Variants in FBXO32 observed in about 807,000 individuals in gnomAD.
FBXO32 encodes the protein F-box only protein 32.
Under a neutral mutation model 48.3 loss-of-function variants are expected in FBXO32, and 15 were observed. The observed-to-expected ratio is 0.31, with a 90% CI of 0.21 to 0.48. The LOEUF is 0.48. FBXO32 is among the 20% of genes least tolerant of loss of function. The pLI is 0.99. For missense variants in FBXO32, 309 were observed against 432.7 expected (o/e 0.71, Z 2.54); for synonymous variants, 154 against 165.9 (o/e 0.93, Z 0.55).
chr8:123,507,535 C>A (rs1446103190), intron 6 of FBXO32, among the ~76,000 whole-genome samples: 1 of 150,296 alleles, frequency 6.7e-6, no homozygotes, highest in Non-Finnish European at 1.5e-5. Context: ...CTCCACCATC[C>A]CTTGAGACTT....
chr8:123,510,339 C>T (rs143684290), intron 6 of FBXO32, among the ~76,000 whole-genome samples: 6 of 152,298 alleles, frequency 3.9e-5, no homozygotes, highest in African/African-American at 9.6e-5. Flanking sequence ...GGGCCGGGCG[C>T]GGTGGCTCAT....
At chr8:123,516,426 C>G (rs1816840817) in intron 4 of FBXO32, among the ~76,000 whole-genome samples, 1 of 152,146 alleles carries the variant, frequency 6.6e-6, no homozygotes. Context: ...CCTGGCCAGG[C>G]CTCAGCCCAG....
chr8:123,523,535 A>G (rs868821341), intron 4 of FBXO32, among the ~76,000 whole-genome samples: 56 of 152,140 alleles, frequency 3.7e-4, no homozygotes, highest in South Asian at 6.2e-4. Flanking sequence ...GGTTGCAGTG[A>G]GCCAAGATCG....
intron 6 of FBXO32, among the ~76,000 whole-genome samples, chr8:123,511,149 G>A (rs754227332): frequency 3.0e-4 from 46 of 152,230 alleles, no homozygotes; most frequent in Admixed American, 5.2e-4. Context: ...GATTGAAAAA[G>A]TTTGGAAACC....
chr8:123,515,027 G>C (rs938496278), intron 4 of FBXO32, among the ~76,000 whole-genome samples: 1 of 152,200 alleles, frequency 6.6e-6, no homozygotes, highest in African/African-American at 2.4e-5. Context: ...GCTCCGTGAT[G>C]ATGGGCAAGT....
intron 4 of FBXO32, chr8:123,526,982 T>C (rs1430191834): frequency 6.6e-6 from 1 of 152,224 alleles, no homozygotes; most frequent in African/African-American, 2.4e-5. Context: ...AGACAATATC[T>C]AATGAGTGAG....
chr8:123,514,315 T>C lies in FBXO32; in HGVS notation c.391A>G (p.Lys131Glu). Residue 131 changes from lysine (K) to glutamate (E), a missense_variant, in exon 5 of 9, where the codon AAG (lysine) becomes GAG (glutamate). Lys to Glu is a moderately conservative substitution (Grantham distance 56). Transcript: ENST00000517956. ...CCACTCAGGGATGTGAGCTGTGACT[T>C]TGCTATCAGCTCCAACAGCTGAGGA... Reference protein sequence around the residue: ...YVVRLLELIAKSQLTSLSGIA... With the variant: ...YVVRLLELIAESQLTSLSGIA... 6.2e-7 allele frequency: 1 copy of C among 1,612,370 alleles called. No individual in the cohort carries two copies. The highest frequency in any genetic ancestry group is 8.5e-7 in the Non-Finnish European group (1 of 1,179,386).
chr8:123,515,120 A>T (rs1480276124), intron 4 of FBXO32, among the ~76,000 whole-genome samples: 11 of 152,210 alleles, frequency 7.2e-5, no homozygotes, highest in Admixed American at 7.2e-4. Context: ...TGAGTATTTA[A>T]TACCTTTAAT....
In FBXO32 at chr8:123,498,089, A is replaced by G. The variant is rs1816393394; in HGVS notation, c.*5284T>C. 1 of 152,228 alleles carries G rather than the reference A, an allele frequency of 6.6e-6. No individual in the cohort carries two copies. The highest frequency in any genetic ancestry group is 2.1e-4 in the South Asian group (1 of 4,834). The allele number at this position is 152,228 out of a possible 1,614,324, so 9.4% of individuals were successfully genotyped here. Reference sequence around the variant, plus strand: ...TGGTCTAACTTTATGCTTTAGTTACAATGTTCAACCCCCTCTAATACTTTT... The same window carrying G: ...TGGTCTAACTTTATGCTTTAGTTACGATGTTCAACCCCCTCTAATACTTTT... On this transcript the variant is annotated 3_prime_UTR_variant, in exon 9 of 9. Transcript: ENST00000517956.
intron 7 of FBXO32, among the ~76,000 whole-genome samples, chr8:123,505,669 G>A (rs1816602082): frequency 6.6e-6 from 1 of 152,230 alleles, no homozygotes; most frequent in African/African-American, 2.4e-5. Flanking sequence ...CAGGGAGGCA[G>A]AGGTTGCAGT....
chr8:123,512,112 A>G (rs1192461631), intron 6 of FBXO32, among the ~76,000 whole-genome samples: 1 of 152,188 alleles, frequency 6.6e-6, no homozygotes, highest in Non-Finnish European at 1.5e-5. Context: ...AATACTTGAG[A>G]TCATTTCTGA....
chr8:123,541,097 G>T lies in FBXO32; in HGVS notation c.-83C>A. The stretch of plus-strand genomic sequence containing the variant: ...ACGTGCCACCCGGGGCGGATGCTCG[G>T]GGTGCAGGGGCCCGCGACGGGGGCG... On this transcript the variant is annotated 5_prime_UTR_variant, in exon 1 of 9. Transcript: ENST00000517956. 3 of 846,038 alleles carry T rather than the reference G, an allele frequency of 3.5e-6. No individual in the cohort carries two copies. Among genetic ancestry groups the T allele is most frequent in the Non-Finnish European group, 3.3e-6 (2 of 602,276 alleles). 52.4% of individuals were successfully genotyped at this position (846,038 alleles called of 1,614,324 possible).
intron 4 of FBXO32, among the ~76,000 whole-genome samples, chr8:123,515,848 C>T (rs1022462274): frequency 3.9e-5 from 6 of 151,944 alleles, no homozygotes; most frequent in East Asian, 3.9e-4. Context: ...AAAAATTAGC[C>T]GGGCATGGTG....
At position 123,509,426 on chromosome 8, in the gene FBXO32, T is replaced by G. The variant is rs371772740; in HGVS notation, c.652-2852A>C. On this transcript the variant is annotated intron_variant, in intron 6 of 8. Coordinates refer to ENST00000517956, the MANE Select transcript of FBXO32 (RefSeq NM_058229.4). ...TTGAGCTTCTGTGTGGAGGCTGGGC[T>G]CAGTGGCTCATGCCTGTAATCCTGG... is the stretch of plus-strand genomic sequence containing the variant. Among the ~76,000 whole-genome samples the G allele has an allele frequency of 7.2e-4, 109 of 152,230 alleles. No individual in the cohort carries two copies. The South Asian group carries it at 7.7e-3, about 11-fold the overall frequency.
intron 4 of FBXO32, among the ~76,000 whole-genome samples, chr8:123,516,610 C>G (rs1417227649): frequency 6.6e-6 from 1 of 152,200 alleles, no homozygotes; most frequent in African/African-American, 2.4e-5. Flanking sequence ...ATTTGCATAA[C>G]ATGTTTGTCC....
At chr8:123,504,083 C>CA (rs34656669) in intron 8 of FBXO32, among the ~76,000 whole-genome samples, 1,453 of 88,058 alleles carry the variant, frequency 0.017, 22 homozygotes, top group East Asian at 0.11. Context: ...GACTCCGTCT[C>CA]AAAAAAAAAA....
At chr8:123,515,568 T>C (rs1313228380) in intron 4 of FBXO32, among the ~76,000 whole-genome samples, 1 of 152,060 alleles carries the variant, frequency 6.6e-6, no homozygotes, top group African/African-American at 2.4e-5. Context: ...GTTGAAAAAG[T>C]ATGTCCCATT....
rs562555015 is a variant in FBXO32 at position 123,503,085 on chromosome 8, G to A, written c.*288C>T. On this transcript the variant is annotated 3_prime_UTR_variant, in exon 9 of 9. Transcript: ENST00000517956. ...CCATTAAGAGGACTCCATTTTCACC[G>A]CTGAAATAGAATTATTGCCCTTATA... The A allele has an allele frequency of 6.7e-5, 15 of 222,410 alleles. No homozygotes were observed. Among genetic ancestry groups the A allele is most frequent in the Middle Eastern group, 1.6e-3 (1 of 634 alleles). The allele number at this position is 222,410 out of a possible 1,614,324, so 13.8% of individuals were successfully genotyped here.
At chr8:123,532,329 G>A (rs538252983) in intron 3 of FBXO32, among the ~76,000 whole-genome samples, 12 of 152,324 alleles carry the variant, frequency 7.9e-5, no homozygotes, top group Non-Finnish European at 1.2e-4. Flanking sequence ...AGCAGGGTAC[G>A]GGACATGGGA....
Sources: allele counts gnomAD v4.1 joint callset (sites outside exome capture counted in the v4.1 genomes callset), GRCh38; gene constraint gnomAD v4.1.1; transcripts MANE v1.5; gene names NCBI Gene and HGNC (gene_info 2026-07-23, HGNC 2026-07-21).